Variants in TRPC4 observed in about 807,000 individuals in gnomAD.
TRPC4 encodes the protein short transient receptor potential channel 4.
TRPC4 carries 49 observed loss-of-function variants against 99.4 expected under a neutral mutation model. That is an observed-to-expected ratio of 0.49 (90% CI 0.39 to 0.63). TRPC4 has a LOEUF of 0.63. TRPC4 is among the 20% of genes least tolerant of loss of function. TRPC4 has a pLI of 0.00. For synonymous variants in TRPC4, 454 were observed against 425.9 expected, an observed-to-expected ratio of 1.07 and a Z score of -0.81; for missense variants, 898 against 1,152.9, an observed-to-expected ratio of 0.78 and a Z score of 3.20.
intron 3 of TRPC4, among the ~76,000 whole-genome samples, chr13:37,695,657 G>A (rs999071677): frequency 2.6e-5 from 4 of 152,130 alleles, no homozygotes; most frequent in Admixed American, 6.5e-5. Flanking sequence ...ACTTATAAAA[G>A]ACGCTGTGAA....
intron 2 of TRPC4, among the ~76,000 whole-genome samples, chr13:37,754,073 T>G (rs1341274914): frequency 6.6e-6 from 1 of 152,128 alleles, no homozygotes; most frequent in East Asian, 1.9e-4. Context: ...AATTATCAAC[T>G]TTACTACCTG....
At chr13:37,856,558 C>A (rs1222127894) in intron 1 of TRPC4, among the ~76,000 whole-genome samples, 6 of 151,110 alleles carry the variant, frequency 4.0e-5, no homozygotes, top group Non-Finnish European at 8.9e-5. Context: ...ATACCAAGAC[C>A]AGACAAAGAC....
chr13:37,759,317 TTTGTCTGCCCTGAGA>T lies in TRPC4; in HGVS notation c.379-12877_379-12863del, dbSNP rs931072227. On this transcript the variant is annotated intron_variant, in intron 2 of 10. Transcript: ENST00000379705. ...AAAAACAAAAGGCAACAAAATTTTT[TTTGTCTGCCCTGAGA>T]TTGTCTGCCCTGAGATTGAGAGCTC... Among the ~76,000 whole-genome samples the T allele has an allele frequency of 1.5e-3, 231 of 151,946 alleles. 2 individuals are homozygous for T. Among genetic ancestry groups the T allele is most frequent in the African/African-American group, 4.7e-3 (195 of 41,532 alleles).
At chr13:37,678,850 A>G (rs955732159) in intron 4 of TRPC4, among the ~76,000 whole-genome samples, 3 of 152,162 alleles carry the variant, frequency 2.0e-5, no homozygotes, top group African/African-American at 7.2e-5. Context: ...AGTGAATAAA[A>G]GTTAGCAATA....
At chr13:37,835,708 C>A (rs1273610086) in intron 1 of TRPC4, among the ~76,000 whole-genome samples, 1 of 152,096 alleles carries the variant, frequency 6.6e-6, no homozygotes, top group East Asian at 1.9e-4. Context: ...GTTTTGTATC[C>A]TAGCTATTCT....
Position 37,788,921 on chromosome 13 carries a change from G to A in TRPC4, c.-27-5561C>T, listed in dbSNP as rs559071721. Among the ~76,000 whole-genome samples the A allele has an allele frequency of 9.2e-5, 14 of 151,994 alleles. No homozygotes were observed. The South Asian group carries it at 2.9e-3, about 32-fold the overall frequency. ...TAACAATCATTTCTATGTCTTACTG[G>A]GAAGATTTCAACGGCTCAGTAGCAT... On this transcript the variant is annotated intron_variant, in intron 1 of 10. Coordinates refer to ENST00000379705, the MANE Select transcript of TRPC4 (RefSeq NM_016179.4).
At chr13:37,851,104 A>G (rs535728) in intron 1 of TRPC4, among the ~76,000 whole-genome samples, 76,159 of 152,046 alleles carry the variant, frequency 0.5, 19,413 homozygotes, top group East Asian at 0.7. Flanking sequence ...CCTTATTAAA[A>G]AGTCAAGGCC....
intron 3 of TRPC4, among the ~76,000 whole-genome samples, chr13:37,745,457 T>TGC (rs1555265714): frequency 1.2e-4 from 1 of 8,046 alleles, no homozygotes; most frequent in East Asian, 2.6e-3. Flanking sequence ...TATATATATA[T>TGC]ATATATATAT....
intron 4 of TRPC4, among the ~76,000 whole-genome samples, chr13:37,684,438 T>A (rs1953385167): frequency 6.6e-6 from 1 of 152,074 alleles, no homozygotes; most frequent in African/African-American, 2.4e-5. Flanking sequence ...GAATTCCAGA[T>A]CATCTGATAG....
In TRPC4 at chr13:37,635,654, G is replaced by T. The variant is rs1433594610; in HGVS notation, c.*1249C>A. Among the ~76,000 whole-genome samples, 3 of 152,166 alleles carry T rather than the reference G, an allele frequency of 2.0e-5. No individual in the cohort carries two copies. The highest frequency in any genetic ancestry group is 2.1e-4 in the South Asian group (1 of 4,826). On this transcript the variant is annotated 3_prime_UTR_variant, in exon 11 of 11. Coordinates refer to ENST00000379705, the MANE Select transcript of TRPC4 (RefSeq NM_016179.4). ...TGTGGTGAAGAAACTTCCCGTAGTG[G>T]CTTAAATAGACACAAGCAATGTAAA...
chr13:37,689,732 G>C (rs1286652678), intron 4 of TRPC4, among the ~76,000 whole-genome samples: 1 of 152,166 alleles, frequency 6.6e-6, no homozygotes, highest in Non-Finnish European at 1.5e-5. Flanking sequence ...TTGGTGTGTA[G>C]CAGGCAGCCA....
At chr13:37,821,703 G>C (rs9576372) in intron 1 of TRPC4, among the ~76,000 whole-genome samples, 38,821 of 151,886 alleles carry the variant, frequency 0.26, 5,434 homozygotes, top group East Asian at 0.43. Context: ...ACAACAGCAA[G>C]CAATGGGGAA....
chr13:37,851,257 T>C (rs939292859), intron 1 of TRPC4, among the ~76,000 whole-genome samples: 1 of 152,034 alleles, frequency 6.6e-6, no homozygotes, highest in Non-Finnish European at 1.5e-5. Context: ...TGCTTTCCAG[T>C]AGACAGGATG....
Position 37,783,556 on chromosome 13 carries a change from C to A in TRPC4, c.-27-196G>T, listed in dbSNP as rs1026131847. Among the ~76,000 whole-genome samples the A allele has an allele frequency of 6.6e-5, 10 of 150,896 alleles. No individual in the cohort carries two copies. In the South Asian group the frequency reaches 2.1e-3, roughly 31 times the overall value. On this transcript the variant is annotated intron_variant, in intron 1 of 10. Transcript: ENST00000379705. ...TTCAATTATGTGGAAACAAAGTTTT[C>A]TTTTAAAATAAATAAAAAGAGATTA...
chr13:37,674,542 T>G (rs1952979275), intron 4 of TRPC4, among the ~76,000 whole-genome samples, 175 bp from the exon 5 acceptor site: 1 of 152,244 alleles, frequency 6.6e-6, no homozygotes, highest in African/African-American at 2.4e-5. Flanking sequence ...TTTAAGACTT[T>G]CAGATACTAA....
rs1951534743 is a variant in TRPC4 at position 37,636,831 on chromosome 13, T to C, written c.*72A>G. 5 of 1,520,566 alleles carry C rather than the reference T, an allele frequency of 3.3e-6. No homozygotes were observed. The South Asian group carries it at 5.3e-5, about 16-fold the overall frequency. The allele number at this position is 1,520,566 out of a possible 1,614,324, so 94.2% of individuals were successfully genotyped here. ...TAAGTTAGCATTTGCTAATACAATT[T>C]AAACATTTTCCCCCACCCAGAGCAC... On this transcript the variant is annotated 3_prime_UTR_variant, in exon 11 of 11. Transcript: ENST00000379705.
chr13:37,640,946 A>G (rs1343832820), intron 8 of TRPC4, among the ~76,000 whole-genome samples: 1 of 152,152 alleles, frequency 6.6e-6, no homozygotes, highest in Non-Finnish European at 1.5e-5. Context: ...ACATTTCACT[A>G]CTGTGTTTTA....
intron 1 of TRPC4, among the ~76,000 whole-genome samples, chr13:37,865,302 A>AG (rs1959665965): frequency 6.6e-6 from 1 of 151,716 alleles, no homozygotes; most frequent in Non-Finnish European, 1.5e-5. Context: ...AACATGGCCT[A>AG]GCATGACCTT....
chr13:37,813,278 T>A (rs976196032), intron 1 of TRPC4, among the ~76,000 whole-genome samples: 10 of 151,822 alleles, frequency 6.6e-5, no homozygotes, highest in African/African-American at 2.2e-4. Context: ...AAATTTATAT[T>A]TGTGAATGCC....
Sources: allele counts gnomAD v4.1 joint callset (sites outside exome capture counted in the v4.1 genomes callset), GRCh38; gene constraint gnomAD v4.1.1; transcripts MANE v1.5; gene names NCBI Gene and HGNC (gene_info 2026-07-23, HGNC 2026-07-21).